Variants in PHF24 observed in about 807,000 individuals in gnomAD.
The protein encoded by PHF24 is Galpha inhibitory interacting protein.
Under a neutral mutation model 42.6 loss-of-function variants are expected in PHF24, and 25 were observed. That is an observed-to-expected ratio of 0.59 (90% CI 0.43 to 0.82). The LOEUF (loss-of-function observed/expected upper bound fraction) is 0.82, where lower values mean the gene tolerates loss of function less well. Among genes scored for constraint, PHF24 ranks in the 40% least tolerant of loss-of-function variants. PHF24 has a pLI of 0.00. For synonymous variants in PHF24, 185 were observed against 204.8 expected, an observed-to-expected ratio of 0.90 and a Z score of 0.83; for missense variants, 470 against 538.1, an observed-to-expected ratio of 0.87 and a Z score of 1.25.
At chr9:34,879,641 A>G in the PHF24 span, among the ~76,000 whole-genome samples, 1 of 152,228 alleles carries the variant, frequency 6.6e-6, no homozygotes, top group African/African-American at 2.4e-5. Context: ...AAGCGAGAAG[A>G]GAAGTTTAGA....
the PHF24 span, among the ~76,000 whole-genome samples, chr9:34,714,281 A>T: frequency 2.6e-5 from 4 of 152,050 alleles, no homozygotes; most frequent in African/African-American, 9.7e-5. Flanking sequence ...TGGAACCAGA[A>T]AGTTTTAAAT....
the PHF24 span, chr9:34,837,167 G>A: frequency 5.1e-5 from 24 of 469,978 alleles, no homozygotes; most frequent in African/African-American, 3.0e-4. Context: ...ACAGTGGCAT[G>A]GTAGAGTTTT....
At chr9:34,884,888 A>G in the PHF24 span, among the ~76,000 whole-genome samples, 1 of 152,226 alleles carries the variant, frequency 6.6e-6, no homozygotes, top group South Asian at 2.1e-4. Flanking sequence ...TCGAGCAATC[A>G]TGGTGGCCAG....
the PHF24 span, chr9:34,892,772 G>A: frequency 1.8e-6 from 1 of 562,850 alleles, no homozygotes; most frequent in Non-Finnish European, 3.2e-6. Flanking sequence ...GGACACAGCT[G>A]GGACTTGAGA....
the PHF24 span, among the ~76,000 whole-genome samples, chr9:34,668,776 A>T: frequency 6.6e-6 from 1 of 152,216 alleles, no homozygotes; most frequent in African/African-American, 2.4e-5. Context: ...GCTGAATTTC[A>T]CCCTGGCAAT....
the PHF24 span, among the ~76,000 whole-genome samples, chr9:34,766,624 A>T: frequency 6.6e-6 from 1 of 152,170 alleles, no homozygotes; most frequent in Non-Finnish European, 1.5e-5. Flanking sequence ...CAAAGTTTTT[A>T]ACTCTTTGCC....
At chr9:34,891,279 G>A in the PHF24 span, among the ~76,000 whole-genome samples, 1 of 152,166 alleles carries the variant, frequency 6.6e-6, no homozygotes, top group Non-Finnish European at 1.5e-5. Context: ...GAGGACAGGG[G>A]CGCCAAGTTG....
the PHF24 span, among the ~76,000 whole-genome samples, chr9:34,677,586 C>T: frequency 5.3e-5 from 8 of 151,884 alleles, no homozygotes; most frequent in East Asian, 1.2e-3. Flanking sequence ...TTAGTAGAGA[C>T]GGGGTTTCAC....
At chr9:34,956,991 G>A (rs570634438), upstream of PHF24, among the ~76,000 whole-genome samples, 8 of 152,274 alleles carry the variant, frequency 5.3e-5, no homozygotes, top group South Asian at 6.2e-4. Flanking sequence ...ATGTGACCTT[G>A]GGCGAGTTGT....
At chr9:34,735,387 G>C in the PHF24 span, among the ~76,000 whole-genome samples, 1 of 150,738 alleles carries the variant, frequency 6.6e-6, no homozygotes, top group African/African-American at 2.4e-5. Flanking sequence ...CGCCCACCTC[G>C]GCCTCCCAAA....
the PHF24 span, among the ~76,000 whole-genome samples, chr9:34,818,797 A>T: frequency 1.6e-3 from 243 of 152,220 alleles, no homozygotes; most frequent in Middle Eastern, 3.4e-3. Flanking sequence ...AATTTTTTTT[A>T]AAAAATAGTG....
the PHF24 span, among the ~76,000 whole-genome samples, chr9:34,859,969 G>A: frequency 6.6e-6 from 1 of 151,948 alleles, no homozygotes; most frequent in Admixed American, 6.6e-5. Flanking sequence ...ATACCAGAGG[G>A]GAACTCTCTT....
chr9:34,904,435 G>T, the PHF24 span, among the ~76,000 whole-genome samples: 1 of 152,068 alleles, frequency 6.6e-6, no homozygotes, highest in South Asian at 2.1e-4. Context: ...AATCATAAAG[G>T]GATGCTGGAT....
At chr9:34,741,072 G>A in the PHF24 span, among the ~76,000 whole-genome samples, 23 of 152,032 alleles carry the variant, frequency 1.5e-4, no homozygotes, top group African/African-American at 5.5e-4. Context: ...TATTAGTAGA[G>A]ACGGGGTTTC....
the PHF24 span, among the ~76,000 whole-genome samples, chr9:34,731,012 T>C: frequency 6.6e-6 from 1 of 152,242 alleles, no homozygotes; most frequent in Non-Finnish European, 1.5e-5. Flanking sequence ...GACTATTTTT[T>C]TTAAAGTAAG....
chr9:34,837,244 A>G, the PHF24 span: 7 of 400,216 alleles, frequency 1.7e-5, no homozygotes, highest in Non-Finnish European at 3.5e-5. Context: ...CCCTAATTAT[A>G]AATGCTTTAA....
At chr9:34,856,535 G>A in the PHF24 span, among the ~76,000 whole-genome samples, 1 of 152,118 alleles carries the variant, frequency 6.6e-6, no homozygotes, top group Non-Finnish European at 1.5e-5. Flanking sequence ...TCTTCTGTAG[G>A]GCTGCTATGG....
chr9:34,841,582 G>C, the PHF24 span, among the ~76,000 whole-genome samples: 2 of 152,098 alleles, frequency 1.3e-5, no homozygotes, highest in African/African-American at 4.8e-5. Context: ...TTTAGGCTGG[G>C]CACAGTGGCT....
the PHF24 span, chr9:34,690,424 C>CTGTGTATGTGTG: frequency 3.3e-6 from 2 of 607,090 alleles, no homozygotes; most frequent in Non-Finnish European, 5.5e-6. Flanking sequence ...TTGAGGACAC[C>CTGTGTATGTGTG]TGTGTGTGTG....
Sources: allele counts gnomAD v4.1 joint callset (sites outside exome capture counted in the v4.1 genomes callset), GRCh38; gene constraint gnomAD v4.1.1; transcripts MANE v1.5; gene names NCBI Gene and HGNC (gene_info 2026-07-23, HGNC 2026-07-21).